COL4A1: variants seen among roughly 807,000 people sequenced by gnomAD.
COL4A1 encodes the protein collagen alpha-1(IV) chain.
COL4A1 carries 40 observed loss-of-function variants against 216.6 expected under a neutral mutation model. The observed-to-expected ratio is 0.18, with a 90% CI of 0.14 to 0.24. COL4A1 has a LOEUF of 0.24. Ranked by LOEUF, COL4A1 falls within the 10% of genes least tolerant of loss-of-function variation. The pLI, the probability that COL4A1 is intolerant of heterozygous loss-of-function variation, is 1.00. For missense variants in COL4A1, 1,628 were observed against 2,196.8 expected, an observed-to-expected ratio of 0.74 and a Z score of 5.18; for synonymous variants, 839 against 810.7, an observed-to-expected ratio of 1.03 and a Z score of -0.59.
At chr13:110,196,329 C>A (rs902866647) in intron 21 of COL4A1, among the ~76,000 whole-genome samples, 1 of 152,160 alleles carries the variant, frequency 6.6e-6, no homozygotes, top group Non-Finnish European at 1.5e-5. Flanking sequence ...GTTAGCCCTT[C>A]GACATTGGTG....
intron 2 of COL4A1, among the ~76,000 whole-genome samples, chr13:110,241,522 C>T (rs575029138): frequency 2.0e-5 from 3 of 152,248 alleles, no homozygotes; most frequent in East Asian, 3.9e-4. Flanking sequence ...GAAACACTTG[C>T]GTCTACTTTA....
At chr13:110,255,355 G>C (rs995770041) in intron 1 of COL4A1, among the ~76,000 whole-genome samples, 8 of 151,320 alleles carry the variant, frequency 5.3e-5, no homozygotes, top group African/African-American at 9.7e-5. Context: ...GAAATGAGGA[G>C]ACTTGCAAGG....
At chr13:110,192,981 G>C in intron 22 of COL4A1, 68 bp from the exon 23 acceptor site, 1 of 1,446,474 alleles carries the variant, frequency 6.9e-7, no homozygotes, top group Non-Finnish European at 9.7e-7. Flanking sequence ...TGCACTGAGA[G>C]AACAGAAAAA....
At chr13:110,217,665 CA>C (rs755512007) in intron 2 of COL4A1, among the ~76,000 whole-genome samples, 40 of 152,164 alleles carry the variant, frequency 2.6e-4, no homozygotes, top group Non-Finnish European at 5.3e-4. Context: ...CAGTGCAATG[CA>C]GAGCACTGAT....
intron 22 of COL4A1, 33 bp downstream of exon 22, chr13:110,194,990 A>G (rs750301021): frequency 6.3e-7 from 1 of 1,585,534 alleles, no homozygotes; most frequent in Non-Finnish European, 8.7e-7. Flanking sequence ...GCAAAGACAC[A>G]ACCACCATTT....
At chr13:110,187,372 T>C (rs1878450687) in intron 24 of COL4A1, 43 bp from the exon 25 acceptor site, 1 of 1,606,826 alleles carries the variant, frequency 6.2e-7, no homozygotes, top group Non-Finnish European at 8.5e-7. Flanking sequence ...AACCCATCCA[T>C]GAAGCACACC....
At chr13:110,230,023 A>G (rs937639279) in intron 2 of COL4A1, among the ~76,000 whole-genome samples, 7 of 152,128 alleles carry the variant, frequency 4.6e-5, no homozygotes, top group Non-Finnish European at 8.8e-5. Context: ...ATCCACACTG[A>G]GTGCCCAAGG....
At chr13:110,271,352 C>T (rs185265896) in intron 1 of COL4A1, among the ~76,000 whole-genome samples, 1 of 152,186 alleles carries the variant, frequency 6.6e-6, no homozygotes, top group African/African-American at 2.4e-5. Context: ...ATATTAGGAG[C>T]CAAAGAAAAA....
intron 1 of COL4A1, among the ~76,000 whole-genome samples, chr13:110,273,733 G>A (rs770133285): frequency 1.3e-5 from 2 of 152,266 alleles, no homozygotes; most frequent in East Asian, 1.9e-4. Flanking sequence ...AGGTTAGAAG[G>A]GTCATTCAGA....
At chr13:110,215,543 A>G (rs1274308450) in intron 2 of COL4A1, among the ~76,000 whole-genome samples, 1 of 148,266 alleles carries the variant, frequency 6.7e-6, no homozygotes, top group African/African-American at 2.5e-5. Flanking sequence ...CCTGGGAGAC[A>G]GAGTGAGACT....
At position 110,174,429 on chromosome 13, in the gene COL4A1, C is replaced by T. The variant is rs1448655661; in HGVS notation, c.3406+17G>A. ...TTCTCTATGTGCCCGGGCTGTGTCC[C>T]AAAGAGGGCCCTCTACCTGCTTCTC... On this transcript the variant is annotated intron_variant, in intron 39 of 51. Transcript: ENST00000375820. The T allele has an allele frequency of 2.5e-6, 4 of 1,613,138 alleles. No individual in the cohort carries two copies. The highest frequency in any genetic ancestry group is 3.4e-6 in the Non-Finnish European group (4 of 1,179,960).
intron 2 of COL4A1, among the ~76,000 whole-genome samples, chr13:110,219,699 T>C (rs1195527396): frequency 1.4e-5 from 2 of 141,750 alleles, no homozygotes; most frequent in Admixed American, 7.3e-5. Flanking sequence ...TGTATATATA[T>C]GTATATACAT....
chr13:110,252,558 AT>A (rs1882154441), intron 1 of COL4A1, among the ~76,000 whole-genome samples: 1 of 44,950 alleles, frequency 2.2e-5, no homozygotes, highest in African/African-American at 6.3e-5. Flanking sequence ...TATACGTATA[AT>A]TATACGTATA....
intron 1 of COL4A1, among the ~76,000 whole-genome samples, chr13:110,292,595 G>A (rs1156758837): frequency 6.6e-6 from 1 of 152,188 alleles, no homozygotes; most frequent in Non-Finnish European, 1.5e-5. Context: ...ATGGTGGAAG[G>A]CAAAGGGGAG....
At chr13:110,253,872 A>G (rs59054477) in intron 1 of COL4A1, among the ~76,000 whole-genome samples, 63,562 of 148,170 alleles carry the variant, frequency 0.43, 14,710 homozygotes, top group Non-Finnish European at 0.53. Context: ...GTGTGTGTGT[A>G]TATATATAAA....
chr13:110,243,547 G>C lies in COL4A1; in HGVS notation c.85-813C>G, dbSNP rs533505344. 9.2e-5 allele frequency among the ~76,000 whole-genome samples: 14 copies of C among 152,246 alleles called. No homozygotes were observed. In the South Asian group the frequency reaches 2.7e-3, roughly 29 times the overall value. ...TTGACCAGGCTGGTCTCGAACTCCTGACCTCATGTGATCCACCCGCCTCAG... is the reference window on the plus strand; with the variant it reads ...TTGACCAGGCTGGTCTCGAACTCCTCACCTCATGTGATCCACCCGCCTCAG... On this transcript the variant is annotated intron_variant, in intron 1 of 51. Transcript: ENST00000375820.
chr13:110,180,759 T>C (rs1054856998), intron 29 of COL4A1, among the ~76,000 whole-genome samples: 1 of 152,198 alleles, frequency 6.6e-6, no homozygotes, highest in Non-Finnish European at 1.5e-5. Context: ...CTAGTGACAT[T>C]TGCCAATGTC....
chr13:110,186,560 T>TGAG lies in COL4A1; in HGVS notation c.1729-10_1729-8dup, dbSNP rs1594560962. The TGAG allele has an allele frequency of 1.9e-6, 3 of 1,613,862 alleles. No individual in the cohort carries two copies. The highest frequency in any genetic ancestry group is 2.7e-5 in the African/African-American group (2 of 75,036). On this transcript the variant is annotated splice_polypyrimidine_tract_variant and splice_region_variant and intron_variant, in intron 25 of 51. Transcript: ENST00000375820. ...CTTTCAATCCTACAGAACCCTGATG[T>TGAG]GAGAAGAAGAAAAAGACACCGTTAT...
chr13:110,263,380 T>C (rs910537729), intron 1 of COL4A1, among the ~76,000 whole-genome samples: 1 of 152,182 alleles, frequency 6.6e-6, no homozygotes, highest in African/African-American at 2.4e-5. Context: ...TAAGATAAAC[T>C]GAGCCCCACC....
Sources: gnomAD v4.1 joint callset for allele counts (sites outside exome capture counted in the v4.1 genomes callset) on GRCh38, gnomAD v4.1.1 for gene constraint, MANE v1.5 for transcripts, NCBI Gene and HGNC (gene_info 2026-07-23, HGNC 2026-07-21) for gene names.